LRRC8B: variants seen among roughly 807,000 people sequenced by gnomAD.
The protein encoded by LRRC8B is volume-regulated anion channel subunit LRRC8B.
LRRC8B carries 23 observed loss-of-function variants against 58.8 expected under a neutral mutation model. That is an observed-to-expected ratio of 0.39 (90% CI 0.28 to 0.55). The LOEUF (loss-of-function observed/expected upper bound fraction) is 0.55. Ranked by LOEUF, LRRC8B falls within the 20% of genes least tolerant of loss-of-function variation. The pLI, the probability that LRRC8B is intolerant of heterozygous loss-of-function variation, is 0.62. For synonymous variants in LRRC8B, 359 were observed against 374.1 expected (o/e 0.96, Z 0.47); for missense variants, 694 against 936.0 (o/e 0.74, Z 3.37).
At chr1:89,525,808 C>A (rs1019837654) in intron 1 of LRRC8B, among the ~76,000 whole-genome samples, 9 of 151,860 alleles carry the variant, frequency 5.9e-5, no homozygotes, top group African/African-American at 2.2e-4. Context: ...TCTAAAAGAA[C>A]AAAACCGACA....
intron 1 of LRRC8B, among the ~76,000 whole-genome samples, chr1:89,546,031 A>G (rs1052607716): frequency 1.3e-5 from 2 of 152,210 alleles, no homozygotes; most frequent in Non-Finnish European, 2.9e-5. Flanking sequence ...AATATTATTC[A>G]TACTTCTATA....
At chr1:89,542,595 T>C (rs376912747) in intron 1 of LRRC8B, among the ~76,000 whole-genome samples, 1 of 152,234 alleles carries the variant, frequency 6.6e-6, no homozygotes, top group Non-Finnish European at 1.5e-5. Context: ...TTCTCAGAGA[T>C]CTCTTTGAAG....
chr1:89,538,435 C>A (rs563491797), intron 1 of LRRC8B, among the ~76,000 whole-genome samples: 1 of 152,278 alleles, frequency 6.6e-6, no homozygotes, highest in East Asian at 1.9e-4. Flanking sequence ...GAAGCAGTGA[C>A]TCCCTTAGAG....
At chr1:89,543,561 T>C (rs1018208269) in intron 1 of LRRC8B, among the ~76,000 whole-genome samples, 15 of 152,200 alleles carry the variant, frequency 9.9e-5, no homozygotes, top group African/African-American at 3.4e-4. Flanking sequence ...AGTGGCACAA[T>C]CTCAGCTCAC....
At chr1:89,579,440 G>C (rs979125484) in intron 3 of LRRC8B, among the ~76,000 whole-genome samples, 151 bp from the exon 4 acceptor site, 1 of 152,176 alleles carries the variant, frequency 6.6e-6, no homozygotes, top group Admixed American at 6.5e-5. Flanking sequence ...GCATTTGAGA[G>C]GCCAAGGTGG....
At position 89,583,065 on chromosome 1, in the gene LRRC8B, T is replaced by C; in HGVS notation, c.415T>C (p.Trp139Arg). 6.2e-7 allele frequency: 1 copy of C among 1,614,194 alleles called. No homozygotes were observed. Among genetic ancestry groups the C allele is most frequent in the East Asian group, 2.2e-5 (1 of 44,890 alleles). ...TLIFAACSNF[W>R]LHYPSTSSRL... ...CATCTTTGCAGCCTGCAGCAACTTT[T>C]GGCTTCACTACCCCAGTACCAGTTC... Residue 139 changes from tryptophan to arginine, a missense_variant, in exon 5 of 6, where the codon TGG (tryptophan) becomes CGG (arginine). Around this residue, in one of 5 missense-constraint regions of LRRC8B, gnomAD observed 316 missense variants for 403.8 expected, o/e 0.78. Transcript: ENST00000330947. This position sits in a 1 kb window ranked among gnomAD's most constrained non-coding sequence, Gnocchi z 5.2.
chr1:89,588,928 A>G (rs929142649), intron 5 of LRRC8B, among the ~76,000 whole-genome samples: 1 of 152,224 alleles, frequency 6.6e-6, no homozygotes, highest in African/African-American at 2.4e-5. Context: ...GAAGATCAAA[A>G]GAATGTTTTG....
In LRRC8B at chr1:89,551,046, T is replaced by A. The variant is rs377420847; in HGVS notation, c.-240-17201T>A. Among the ~76,000 whole-genome samples, 13 of 152,318 alleles carry A rather than the reference T, an allele frequency of 8.5e-5. No individual in the cohort carries two copies. The South Asian group carries it at 2.7e-3, about 32-fold the overall frequency. The stretch of plus-strand genomic sequence containing the variant: ...AAATGTCCTCACTGCCTCATTTATT[T>A]GTGAAGTCGTCCCCCTCTGGCCGTG... On this transcript the variant is annotated intron_variant, in intron 1 of 5. Coordinates refer to ENST00000330947, the MANE Select transcript of LRRC8B (RefSeq NM_001369817.2).
chr1:89,572,413 T>G (rs1178121900), intron 3 of LRRC8B: 1 of 152,286 alleles, frequency 6.6e-6, no homozygotes, highest in African/African-American at 2.4e-5. Context: ...GGGGAAGTTT[T>G]CATGGATGAT....
At position 89,526,301 on chromosome 1, in the gene LRRC8B, A is replaced by G. The variant is rs189976337; in HGVS notation, c.-241+1279A>G. On this transcript the variant is annotated intron_variant, in intron 1 of 5. Transcript: ENST00000330947. ...GCGATCTCGGCTCACTGCAACCTCC[A>G]CCTCCTGGGTTCAAGTGATTCTCCT... Among the ~76,000 whole-genome samples, 800 of 152,008 alleles carry G rather than the reference A, an allele frequency of 5.3e-3. 4 individuals are homozygous for G. Among genetic ancestry groups the G allele is most frequent in the African/African-American group, 0.018 (752 of 41,468 alleles).
intron 1 of LRRC8B, among the ~76,000 whole-genome samples, chr1:89,549,363 A>T (rs889107733): frequency 6.6e-6 from 1 of 152,330 alleles, no homozygotes; most frequent in Non-Finnish European, 1.5e-5. Flanking sequence ...TGCTAAATAT[A>T]TTCACTATCT....
At chr1:89,566,992 G>A (rs1296682653) in intron 1 of LRRC8B, among the ~76,000 whole-genome samples, 8 of 152,124 alleles carry the variant, frequency 5.3e-5, no homozygotes, top group South Asian at 2.1e-4. Flanking sequence ...AAATACACCC[G>A]TCTTGTGTCC....
At chr1:89,592,659 C>A in intron 5 of LRRC8B, 112 bp from the exon 6 acceptor site, 1 of 920,278 alleles carries the variant, frequency 1.1e-6, no homozygotes, top group Non-Finnish European at 1.6e-6. Flanking sequence ...GTCTGCATCA[C>A]TTATAAACCT....
In LRRC8B at chr1:89,563,629, G is replaced by A. The variant is rs1032005695; in HGVS notation, c.-240-4618G>A. ...ATATGTAATCTGGTATTTGTTTATA[G>A]GATCATACTTTAAAGGCAACCTTTA... On this transcript the variant is annotated intron_variant, in intron 1 of 5. Coordinates refer to ENST00000330947, the MANE Select transcript of LRRC8B (RefSeq NM_001369817.2). Among the ~76,000 whole-genome samples the A allele has an allele frequency of 2.0e-5, 3 of 152,170 alleles. No homozygotes were observed. The East Asian group carries it at 5.8e-4, about 29-fold the overall frequency.
Position 89,583,030 on chromosome 1 carries a change from T to C in LRRC8B, c.380T>C (p.Leu127Ser). 6.2e-7 allele frequency: 1 copy of C among 1,614,208 alleles called. No homozygotes were observed. The highest frequency in any genetic ancestry group is 8.5e-7 in the Non-Finnish European group (1 of 1,180,044). Reference sequence around the variant, plus strand: ...AAGTTTTTCCCCTATCTGGTGCTCTTGCACACGCTCATCTTTGCAGCCTGC... The same window carrying C: ...AAGTTTTTCCCCTATCTGGTGCTCTCGCACACGCTCATCTTTGCAGCCTGC... The part of the protein sequence containing the change: ...FAKFFPYLVL[L>S]HTLIFAACSN... The change falls in exon 5 of 6, where the codon TTG becomes TCG. Residue 127 changes from leucine (L) to serine (S), a missense_variant. By Grantham distance (145) the Leu-to-Ser change is moderately radical. This residue lies in a region of LRRC8B where 316 missense variants were observed against 403.8 expected (regional missense o/e 0.78). Transcript: ENST00000330947. The surrounding 1 kb of genome is among the most constrained non-coding windows in gnomAD (Gnocchi z 5.2).
chr1:89,587,802 G>A (rs577644926), intron 5 of LRRC8B: 1 of 152,350 alleles, frequency 6.6e-6, no homozygotes, highest in South Asian at 2.1e-4. Flanking sequence ...ACCAAGCTTG[G>A]AAAACAATCA....
intron 5 of LRRC8B, among the ~76,000 whole-genome samples, chr1:89,587,478 A>G (rs1654705727): frequency 6.6e-6 from 1 of 152,174 alleles, no homozygotes; most frequent in Non-Finnish European, 1.5e-5. Flanking sequence ...AGGTGCAGTG[A>G]GCCAAGATCT....
intron 1 of LRRC8B, among the ~76,000 whole-genome samples, chr1:89,561,781 G>C (rs1249184490): frequency 1.4e-5 from 2 of 147,212 alleles, no homozygotes; most frequent in Non-Finnish European, 3.0e-5. Context: ...TGCTGTTTTG[G>C]TTACTGTAGC....
chr1:89,545,853 G>A (rs1407931578), intron 1 of LRRC8B, among the ~76,000 whole-genome samples: 1 of 152,210 alleles, frequency 6.6e-6, no homozygotes, highest in African/African-American at 2.4e-5. Flanking sequence ...GAAGAAGGGG[G>A]TGGACGGGAA....
Sources: gnomAD v4.1 joint callset for allele counts (sites outside exome capture counted in the v4.1 genomes callset) on GRCh38, gnomAD v4.1.1 for gene constraint, gnomAD v4.1.1 regional missense constraint, Gnocchi (gnomAD v3.1) non-coding constraint, MANE v1.5 for transcripts, NCBI Gene and HGNC (gene_info 2026-07-23, HGNC 2026-07-21) for gene names.